The following GAB2 variants were observed in gnomAD, a reference collection of about 807,000 sequenced individuals.
GAB2 encodes GRB2-associated-binding protein 2.
In GAB2, 26 loss-of-function variants were observed where a neutral mutation model predicts 65.5. The ratio of observed to expected loss-of-function variants is 0.40; its 90% CI spans 0.29 to 0.55. The LOEUF is 0.55. GAB2 is among the 20% of genes least tolerant of loss of function. The pLI is 0.53. For missense variants in GAB2, 884 were observed against 875.8 expected (o/e 1.01, Z -0.12); for synonymous variants, 321 against 329.6 (o/e 0.97, Z 0.28).
intron 1 of GAB2, among the ~76,000 whole-genome samples, chr11:78,398,764 G>A (rs10899492): frequency 0.24 from 37,170 of 152,122 alleles, 5,121 homozygotes; most frequent in East Asian, 0.41. Flanking sequence ...ACTTTTACTA[G>A]AAGAAACCAG....
intron 1 of GAB2, among the ~76,000 whole-genome samples, chr11:78,414,322 G>C (rs1322416592): frequency 2.6e-5 from 4 of 151,976 alleles, no homozygotes; most frequent in Non-Finnish European, 5.9e-5. Flanking sequence ...GATTTAATAA[G>C]TATATTTAAT....
chr11:78,329,634 G>A (rs866796580), intron 1 of GAB2, among the ~76,000 whole-genome samples: 3 of 152,162 alleles, frequency 2.0e-5, no homozygotes. Context: ...AGGGCAACCA[G>A]ACCATTTTAG....
chr11:78,360,975 C>A (rs1856427721), intron 1 of GAB2, among the ~76,000 whole-genome samples: 1 of 152,140 alleles, frequency 6.6e-6, no homozygotes, highest in Admixed American at 6.6e-5. Context: ...ACTATTACAA[C>A]CATATGGTAA....
intron 2 of GAB2, among the ~76,000 whole-genome samples, chr11:78,264,448 T>C (rs1180044523): frequency 6.6e-6 from 1 of 152,054 alleles, no homozygotes; most frequent in African/African-American, 2.4e-5. Context: ...TTGCCCAGGC[T>C]GGAGTGCAGT....
chr11:78,385,197 G>C (rs1856750962), intron 1 of GAB2, among the ~76,000 whole-genome samples: 1 of 152,196 alleles, frequency 6.6e-6, no homozygotes, highest in Non-Finnish European at 1.5e-5. Context: ...TATAGAAATG[G>C]CATCAAGCTT....
chr11:78,243,845 GAAAAAGA>G (rs1271674157), intron 3 of GAB2, among the ~76,000 whole-genome samples: 2 of 151,402 alleles, frequency 1.3e-5, no homozygotes, highest in East Asian at 1.9e-4. Flanking sequence ...CTCTGTCTCA[GAAAAAGA>G]AAAAAGAAAA....
chr11:78,308,201 T>C (rs1342522459), intron 1 of GAB2, among the ~76,000 whole-genome samples: 2 of 152,096 alleles, frequency 1.3e-5, no homozygotes, highest in African/African-American at 4.8e-5. Context: ...TCTATTCTAC[T>C]TTGAGGAGGG....
Position 78,302,051 on chromosome 11 carries a change from A to G in GAB2, c.76-21150T>C, listed in dbSNP as rs772490731. On this transcript the variant is annotated intron_variant, in intron 1 of 9. Transcript: ENST00000361507. ...TATAAAAATCAACCCAAGATAGATC[A>G]AGGACTTAAATCTAAGACCTGAAAC... 2.0e-5 allele frequency among the ~76,000 whole-genome samples: 3 copies of G among 152,238 alleles called. No individual in the cohort carries two copies. In the South Asian group the frequency reaches 6.2e-4, roughly 32 times the overall value.
chr11:78,393,838 A>C (rs562904376), intron 1 of GAB2, among the ~76,000 whole-genome samples: 2 of 152,330 alleles, frequency 1.3e-5, no homozygotes, highest in South Asian at 4.1e-4. Flanking sequence ...GAAATCCATA[A>C]GGTAGTTATG....
intron 2 of GAB2, among the ~76,000 whole-genome samples, chr11:78,266,493 G>A (rs1353450187): frequency 1.3e-5 from 2 of 152,174 alleles, no homozygotes; most frequent in African/African-American, 2.4e-5. Flanking sequence ...AGGAATACCC[G>A]GAGTTGATTA....
At chr11:78,292,764 T>C (rs918700229) in intron 1 of GAB2, among the ~76,000 whole-genome samples, 8 of 152,226 alleles carry the variant, frequency 5.3e-5, no homozygotes, top group South Asian at 4.1e-4. Flanking sequence ...CTCTGGACCA[T>C]AGAGACTTTA....
intron 1 of GAB2, among the ~76,000 whole-genome samples, chr11:78,308,082 G>A (rs544898642): frequency 1.7e-4 from 26 of 152,260 alleles, no homozygotes; most frequent in African/African-American, 6.0e-4. Flanking sequence ...AAATCCTTGG[G>A]CCTTCGGACA....
intron 1 of GAB2, among the ~76,000 whole-genome samples, chr11:78,341,116 A>G (rs527923223): frequency 2.0e-5 from 3 of 152,338 alleles, no homozygotes; most frequent in African/African-American, 7.2e-5. Context: ...TATATCTACT[A>G]TCTTACTTTA....
At chr11:78,388,337 G>GT (rs1179669822) in intron 1 of GAB2, among the ~76,000 whole-genome samples, 6 of 145,488 alleles carry the variant, frequency 4.1e-5, no homozygotes, top group African/African-American at 1.5e-4. Flanking sequence ...CCTCCACATT[G>GT]TTTTTTTGCG....
intron 1 of GAB2, among the ~76,000 whole-genome samples, chr11:78,383,159 C>T (rs1383149097): frequency 6.6e-6 from 1 of 152,150 alleles, no homozygotes; most frequent in East Asian, 1.9e-4. Flanking sequence ...GTAGTCCCAG[C>T]TACTTGGGAG....
chr11:78,277,019 G>A (rs185341583), intron 2 of GAB2, among the ~76,000 whole-genome samples: 6 of 152,126 alleles, frequency 3.9e-5, no homozygotes, highest in East Asian at 1.9e-4. Flanking sequence ...GGGTTTCACC[G>A]TGTCAGCCAG....
chr11:78,398,608 A>C lies in GAB2; in HGVS notation c.75+19038T>G, dbSNP rs570196238. ...AAATTGGAAAAAATACTATGTAGAT[A>C]TAAGTGAAAAAATTCACAATGTTAT... On this transcript the variant is annotated intron_variant, in intron 1 of 9. Coordinates refer to ENST00000361507, the MANE Select transcript of GAB2 (RefSeq NM_080491.3). 2.6e-5 allele frequency among the ~76,000 whole-genome samples: 4 copies of C among 152,340 alleles called. No homozygotes were observed. The South Asian group carries it at 8.3e-4, about 32-fold the overall frequency.
Position 78,216,345 on chromosome 11 carries a change from C to T in GAB2, c.*2927G>A, listed in dbSNP as rs1054305382. On this transcript the variant is annotated 3_prime_UTR_variant, in exon 10 of 10. Coordinates refer to ENST00000361507, the MANE Select transcript of GAB2 (RefSeq NM_080491.3). ...CCCCTTTCCGTAGGCTCAGTCCTCT[C>T]CAGGCCCCCAGGAGAGGTGGACTTT... The T allele has an allele frequency of 1.3e-5, 2 of 152,206 alleles. No homozygotes were observed. The highest frequency in any genetic ancestry group is 2.9e-5 in the Non-Finnish European group (2 of 68,044). The allele number at this position is 152,206 out of a possible 1,614,324, so 9.4% of individuals were successfully genotyped here. A position where few individuals can be genotyped will look rare whatever the true frequency, so the allele number is the denominator to read the frequency against.
chr11:78,300,686 T>G (rs893312887), intron 1 of GAB2, among the ~76,000 whole-genome samples: 1 of 122,550 alleles, frequency 8.2e-6, no homozygotes, highest in Non-Finnish European at 1.7e-5. Flanking sequence ...TTTTTTTTGG[T>G]TTTTTTTTGT....
Sources: allele counts gnomAD v4.1 joint callset (sites outside exome capture counted in the v4.1 genomes callset), GRCh38; gene constraint gnomAD v4.1.1; transcripts MANE v1.5; gene names NCBI Gene and HGNC (gene_info 2026-07-23, HGNC 2026-07-21).